Variants in POU2F1 observed in about 807,000 individuals in gnomAD.
The protein encoded by POU2F1 is POU domain, class 2, transcription factor 1.
A neutral mutation model predicts 84.9 loss-of-function variants in POU2F1; 16 were observed. The ratio of observed to expected loss-of-function variants is 0.19; its 90% confidence interval spans 0.13 to 0.29. POU2F1 has a LOEUF of 0.29. POU2F1 is among the 10% of genes least tolerant of loss of function. The probability of loss-of-function intolerance (pLI) is 1.00; values close to 1 mark genes in which losing one functional copy is unlikely to be tolerated. For missense variants in POU2F1, 738 were observed against 942.6 expected, an observed-to-expected ratio of 0.78 and a Z score of 2.84; for synonymous variants, 368 against 368.3, an observed-to-expected ratio of 1.00 and a Z score of 0.01.
chr1:167,319,330 T>G (rs1656149443), intron 1 of POU2F1, among the ~76,000 whole-genome samples: 1 of 152,230 alleles, frequency 6.6e-6, no homozygotes, highest in Admixed American at 6.5e-5. Flanking sequence ...CCAGTTGTTT[T>G]GCTTCTGTCT....
In POU2F1 at chr1:167,424,562, T is replaced by C. The variant is rs1650838787; in HGVS notation, c.*8752T>C. On this transcript the variant is annotated 3_prime_UTR_variant, in exon 16 of 16. Transcript: ENST00000367866. Reference sequence around the variant, plus strand: ...GACCGAGTGACTTGCTTTAACTTTCTCGAAATCCTACAGAGTTGCCAAGTC... The same window carrying C: ...GACCGAGTGACTTGCTTTAACTTTCCCGAAATCCTACAGAGTTGCCAAGTC... 6.6e-6 allele frequency: 1 copy of C among 152,256 alleles called. No homozygotes were observed. The allele number at this position is 152,256 out of a possible 1,614,324, so 9.4% of individuals were successfully genotyped here. A position where few individuals can be genotyped will look rare whatever the true frequency, so the allele number is the denominator to read the frequency against.
Position 167,415,677 on chromosome 1 carries a change from C to T in POU2F1, c.2168C>T (p.Ala723Val), listed in dbSNP as rs1054231542. ...VSLVSAAAAS[A>V]GNSAPVASLH... ...TTGGTCTCTGCCGCCGCAGCATCTG[C>T]AGGGAACTCTGCACCTGTAGCCAGC... The change falls in exon 16 of 16, where the codon GCA becomes GTA. Residue 723 changes from alanine to valine, a missense_variant. Ala to Val is a moderately conservative substitution (Grantham distance 64). This residue lies in a region of POU2F1 where 319 missense variants were observed against 386.0 expected (regional missense o/e 0.83). Transcript: ENST00000367866. The T allele has an allele frequency of 1.2e-6, 2 of 1,614,082 alleles. No homozygotes were observed. The highest frequency in any genetic ancestry group is 1.3e-5 in the African/African-American group (1 of 74,936).
intron 1 of POU2F1, among the ~76,000 whole-genome samples, chr1:167,269,744 C>T (rs370988745): frequency 6.6e-6 from 1 of 152,142 alleles, no homozygotes; most frequent in African/African-American, 2.4e-5. Flanking sequence ...GAAACCTTGT[C>T]TCTACTAAAA....
intron 1 of POU2F1, among the ~76,000 whole-genome samples, chr1:167,244,321 G>C (rs1445349932): frequency 1.3e-5 from 2 of 152,106 alleles, no homozygotes; most frequent in Admixed American, 6.6e-5. Context: ...GGAAGCATAT[G>C]CTGCCAAGCT....
chr1:167,322,622 G>T (rs1257106834), intron 1 of POU2F1, among the ~76,000 whole-genome samples: 1 of 152,222 alleles, frequency 6.6e-6, no homozygotes, highest in Non-Finnish European at 1.5e-5. Flanking sequence ...CCGAGACCAG[G>T]TCGGTCATGG....
chr1:167,379,996 A>G (rs1343573594), intron 7 of POU2F1: 1 of 152,214 alleles, frequency 6.6e-6, no homozygotes, highest in Non-Finnish European at 1.5e-5. Flanking sequence ...AGAGCCAGTG[A>G]CCCTGGACAA....
At chr1:167,317,825 T>G (rs903702317) in intron 1 of POU2F1, among the ~76,000 whole-genome samples, 7 of 152,232 alleles carry the variant, frequency 4.6e-5, no homozygotes, top group South Asian at 4.1e-4. Flanking sequence ...TATGGCCAGA[T>G]TTGGGGGCCT....
intron 13 of POU2F1, among the ~76,000 whole-genome samples, chr1:167,407,612 G>C (rs753079056): frequency 6.6e-6 from 1 of 152,176 alleles, no homozygotes; most frequent in Non-Finnish European, 1.5e-5. Context: ...ATGCTTTATT[G>C]ATTTTTGACA....
At chr1:167,294,281 G>T (rs1013084969) in intron 1 of POU2F1, among the ~76,000 whole-genome samples, 13 of 151,742 alleles carry the variant, frequency 8.6e-5, no homozygotes, top group Non-Finnish European at 1.5e-5. Flanking sequence ...CCCGGGAGGC[G>T]GATCTTGCAG....
Position 167,417,016 on chromosome 1 carries a change from T to A in POU2F1, c.*1206T>A, listed in dbSNP as rs572600428. 6.6e-6 allele frequency: 1 copy of A among 152,356 alleles called. No individual in the cohort carries two copies. The highest frequency in any genetic ancestry group is 1.5e-5 in the Non-Finnish European group (1 of 68,036). 9.4% of individuals were successfully genotyped at this position (152,356 alleles called of 1,614,324 possible). On this transcript the variant is annotated 3_prime_UTR_variant, in exon 16 of 16. Transcript: ENST00000367866. ...AACTTGGCAAAGAAAAAAAACTGAC[T>A]TACTGAAATTGGGAAACTTTTCCCT...
chr1:167,344,432 A>G (rs75375009), intron 2 of POU2F1, among the ~76,000 whole-genome samples: 4,015 of 152,256 alleles, frequency 0.026, 171 homozygotes, highest in African/African-American at 0.089. Flanking sequence ...AAGAAAGTGA[A>G]TGGTTGTGTA....
At chr1:167,339,281 C>T (rs1469667378) in intron 2 of POU2F1, among the ~76,000 whole-genome samples, 1 of 152,126 alleles carries the variant, frequency 6.6e-6, no homozygotes, top group Non-Finnish European at 1.5e-5. Flanking sequence ...ATTGGATTTG[C>T]AAAATACCTT....
intron 2 of POU2F1, among the ~76,000 whole-genome samples, chr1:167,360,647 T>C (rs1659297195): frequency 1.3e-5 from 2 of 152,196 alleles, no homozygotes; most frequent in South Asian, 4.1e-4. Context: ...TTTATTCTTT[T>C]TTGTTTAGGA....
At chr1:167,260,035 C>A (rs1045238739) in intron 1 of POU2F1, among the ~76,000 whole-genome samples, 1 of 152,054 alleles carries the variant, frequency 6.6e-6, no homozygotes, top group Non-Finnish European at 1.5e-5. Flanking sequence ...CCCGCCACCA[C>A]GCCCGGCAAA....
intron 4 of POU2F1, 93 bp downstream of exon 4, chr1:167,370,307 T>C: frequency 1.0e-6 from 1 of 1,000,036 alleles, no homozygotes; most frequent in Admixed American, 2.5e-5. Flanking sequence ...AGGAAATGCT[T>C]AGAAGTATTA....
intron 2 of POU2F1, among the ~76,000 whole-genome samples, chr1:167,334,350 C>T (rs559386957): frequency 5.3e-5 from 8 of 151,734 alleles, no homozygotes; most frequent in Non-Finnish European, 7.4e-5. Context: ...TTAGTAGAGA[C>T]AGGGTTTCAC....
chr1:167,224,742 A>G (rs188534931), intron 1 of POU2F1, among the ~76,000 whole-genome samples: 1 of 151,622 alleles, frequency 6.6e-6, no homozygotes, highest in East Asian at 1.9e-4. Context: ...TTGAACCCAC[A>G]TGAGTTTATA....
chr1:167,421,550 T>G lies in POU2F1; in HGVS notation c.*5740T>G, dbSNP rs1364809968. On this transcript the variant is annotated 3_prime_UTR_variant, in exon 16 of 16. Transcript: ENST00000367866. The stretch of plus-strand genomic sequence containing the variant: ...ACCTTATTCATTAAGTAGTTCCTTG[T>G]TTTGGCCCTTCTACTCTTGGCCTTA... 1.3e-5 allele frequency: 2 copies of G among 152,218 alleles called. No homozygotes were observed. The highest frequency in any genetic ancestry group is 2.9e-5 in the Non-Finnish European group (2 of 68,038). 9.4% of individuals were successfully genotyped at this position (152,218 alleles called of 1,614,324 possible). A position where few individuals can be genotyped will look rare whatever the true frequency, so the allele number is the denominator to read the frequency against.
chr1:167,283,377 A>G (rs572443916), intron 1 of POU2F1, among the ~76,000 whole-genome samples: 21 of 152,160 alleles, frequency 1.4e-4, no homozygotes, highest in Non-Finnish European at 2.4e-4. Context: ...TTTACTACCT[A>G]TAATTTTCTT....
Sources: allele counts gnomAD v4.1 joint callset (sites outside exome capture counted in the v4.1 genomes callset), GRCh38; gene constraint gnomAD v4.1.1; regional missense constraint gnomAD v4.1.1; transcripts MANE v1.5; gene names NCBI Gene and HGNC (gene_info 2026-07-23, HGNC 2026-07-21).